The following STIMATE variants were observed in gnomAD, a reference collection of about 807,000 sequenced individuals.
STIMATE encodes store-operated calcium entry regulator STIMATE.
STIMATE carries 15 observed loss-of-function variants against 36.7 expected under a neutral mutation model. That is an observed-to-expected ratio of 0.41 (90% CI 0.27 to 0.63). The LOEUF is 0.63. Ranked by LOEUF, STIMATE falls within the 20% of genes least tolerant of loss-of-function variation. The pLI is 0.32. For synonymous variants in STIMATE, 163 were observed against 162.3 expected (o/e 1.00, Z -0.03); for missense variants, 305 against 397.3 (o/e 0.77, Z 1.98).
chr3:52,887,231 G>A (rs1017508538), intron 1 of STIMATE, among the ~76,000 whole-genome samples: 1 of 152,252 alleles, frequency 6.6e-6, no homozygotes, highest in Non-Finnish European at 1.5e-5. Flanking sequence ...AATGCATGCT[G>A]AAGTATTTAG....
In STIMATE at chr3:52,838,248, A is replaced by G. The variant is rs2878633; in HGVS notation, c.*2246T>C. The stretch of plus-strand genomic sequence containing the variant: ...AAGCCTTCAGATGAGACCATCTGAG[A>G]TCTATATAACCCAGGGTTTGTTTCA... On this transcript the variant is annotated 3_prime_UTR_variant, in exon 8 of 8. Coordinates refer to ENST00000355083, the MANE Select transcript of STIMATE (RefSeq NM_198563.5). The G allele has an allele frequency of 0.89, 135,696 of 152,232 alleles. 62,345 individuals are homozygous for G. The highest frequency in any genetic ancestry group is 1 in the Non-Finnish European group (67,969 of 68,056). 9.4% of individuals were successfully genotyped at this position (152,232 alleles called of 1,614,324 possible). A position where few individuals can be genotyped will look rare whatever the true frequency, so the allele number is the denominator to read the frequency against.
Position 52,841,606 on chromosome 3 carries a change from ACCT to A in STIMATE, c.769-999_769-997del, listed in dbSNP as rs1198726530. ...ATTCTAGGGCAGGGCAGGCAGTCTC[ACCT>A]CCTCTTCCCTGCACTGTTCCCTTGC... is the stretch of plus-strand genomic sequence containing the variant. On this transcript the variant is annotated intron_variant, in intron 7 of 7. Transcript: ENST00000355083. 4 of 151,838 alleles carry A rather than the reference ACCT, an allele frequency of 2.6e-5. 1 individual carries two copies. The highest frequency in any genetic ancestry group is 2.6e-4 in the Admixed American group (4 of 15,228). The allele number at this position is 151,838 out of a possible 1,614,324, so 9.4% of individuals were successfully genotyped here. A position where few individuals can be genotyped will look rare whatever the true frequency, so the allele number is the denominator to read the frequency against.
chr3:52,844,094 G>C (rs1700854407), intron 5 of STIMATE, among the ~76,000 whole-genome samples: 1 of 152,206 alleles, frequency 6.6e-6, no homozygotes, highest in Non-Finnish European at 1.5e-5. Flanking sequence ...CACCGGGAGA[G>C]TGGAGTGTGG....
At chr3:52,845,027 C>T in intron 4 of STIMATE, 86 bp from the exon 5 acceptor site, 1 of 1,393,890 alleles carries the variant, frequency 7.2e-7, no homozygotes, top group South Asian at 1.3e-5. Flanking sequence ...CACACGCACC[C>T]CAGAACACTG....
At chr3:52,881,531 C>G (rs371891298) in intron 1 of STIMATE, among the ~76,000 whole-genome samples, 80 of 152,092 alleles carry the variant, frequency 5.3e-4, no homozygotes, top group African/African-American at 1.9e-3. Context: ...GGTGAAACCC[C>G]GTCTCTACTA....
chr3:52,895,926 G>A (rs749324726), intron 1 of STIMATE: 11 of 1,289,686 alleles, frequency 8.5e-6, no homozygotes, highest in East Asian at 1.1e-4. Context: ...AGTCAGCAGC[G>A]GATTTTGGCT....
intron 1 of STIMATE, among the ~76,000 whole-genome samples, chr3:52,863,561 T>C (rs1174775252): frequency 6.6e-6 from 1 of 151,552 alleles, no homozygotes; most frequent in Non-Finnish European, 1.5e-5. Context: ...TCAAATCTCA[T>C]GTCCTCACAT....
intron 4 of STIMATE, 74 bp from the exon 5 acceptor site, chr3:52,845,015 C>T: frequency 6.8e-7 from 1 of 1,477,202 alleles, no homozygotes. Flanking sequence ...ACCCCACTCC[C>T]CCACACGCAC....
chr3:52,855,988 T>C (rs1262730266), intron 1 of STIMATE, among the ~76,000 whole-genome samples: 1 of 152,152 alleles, frequency 6.6e-6, no homozygotes, highest in Non-Finnish European at 1.5e-5. Context: ...AACCCCACAG[T>C]GGGGACCGAA....
chr3:52,871,955 C>T (rs958113228), intron 1 of STIMATE, among the ~76,000 whole-genome samples: 3 of 152,128 alleles, frequency 2.0e-5, no homozygotes, highest in African/African-American at 7.2e-5. Context: ...TGATGCGGCA[C>T]CCACAAGTTC....
intron 1 of STIMATE, chr3:52,896,077 C>A: frequency 3.7e-6 from 2 of 534,788 alleles, no homozygotes; most frequent in Non-Finnish European, 6.6e-6. Flanking sequence ...AAGGACAGGC[C>A]ACCAGAAGAA....
intron 1 of STIMATE, among the ~76,000 whole-genome samples, chr3:52,888,747 T>C (rs550909142): frequency 1.8e-4 from 27 of 152,236 alleles, no homozygotes; most frequent in African/African-American, 6.5e-4. Flanking sequence ...AAGATGAATG[T>C]GTGAAAAAGC....
At chr3:52,893,960 G>A (rs1297492007) in intron 1 of STIMATE, among the ~76,000 whole-genome samples, 1 of 152,174 alleles carries the variant, frequency 6.6e-6, no homozygotes, top group Non-Finnish European at 1.5e-5. Flanking sequence ...GCTGACAGCT[G>A]GTTGGCTACC....
intron 1 of STIMATE, among the ~76,000 whole-genome samples, chr3:52,867,690 A>G (rs1286750523): frequency 6.6e-6 from 1 of 152,204 alleles, no homozygotes; most frequent in African/African-American, 2.4e-5. Flanking sequence ...CCCCTGGGCA[A>G]GTGGCAAGCA....
intron 7 of STIMATE, among the ~76,000 whole-genome samples, chr3:52,841,364 C>A (rs1218851104): frequency 6.6e-6 from 1 of 152,260 alleles, no homozygotes; most frequent in African/African-American, 2.4e-5. Flanking sequence ...TTCAGCGTGG[C>A]TGCTCTGAGC....
chr3:52,836,867 C>T lies in STIMATE; in HGVS notation c.*3627G>A. 3.9e-6 allele frequency: 1 copy of T among 253,216 alleles called. No homozygotes were observed. Among genetic ancestry groups the T allele is most frequent in the Non-Finnish European group, 8.1e-6 (1 of 123,032 alleles). 15.7% of individuals were successfully genotyped at this position (253,216 alleles called of 1,614,324 possible). ...TACCACCACCGATTAAGCACCCCCA[C>T]TGGATGGCTGCTGAAGTGGGCCATG... On this transcript the variant is annotated 3_prime_UTR_variant, in exon 8 of 8. Coordinates refer to ENST00000355083, the MANE Select transcript of STIMATE (RefSeq NM_198563.5).
chr3:52,850,367 G>A (rs1700976359), intron 3 of STIMATE, among the ~76,000 whole-genome samples: 1 of 152,102 alleles, frequency 6.6e-6, no homozygotes, highest in Non-Finnish European at 1.5e-5. Flanking sequence ...GGGAGGTGGA[G>A]GTTGCAGTGA....
At chr3:52,879,596 G>A (rs935916661) in intron 1 of STIMATE, among the ~76,000 whole-genome samples, 2 of 152,178 alleles carry the variant, frequency 1.3e-5, no homozygotes, top group East Asian at 1.9e-4. Flanking sequence ...CACCGGCTGC[G>A]TGAGGAAAGG....
intron 1 of STIMATE, among the ~76,000 whole-genome samples, chr3:52,881,152 C>T (rs1025920834): frequency 6.7e-6 from 1 of 149,164 alleles, no homozygotes; most frequent in Admixed American, 6.7e-5. Flanking sequence ...TGCAGTGAGC[C>T]GAGATGGTGC....
Sources: gnomAD v4.1 joint callset for allele counts (sites outside exome capture counted in the v4.1 genomes callset) on GRCh38, gnomAD v4.1.1 for gene constraint, MANE v1.5 for transcripts, NCBI Gene and HGNC (gene_info 2026-07-23, HGNC 2026-07-21) for gene names.